Variants in MYCBP2 observed in about 807,000 individuals in gnomAD.
The protein encoded by MYCBP2 is E3 ubiquitin-protein ligase MYCBP2.
A neutral mutation model predicts 525.3 loss-of-function variants in MYCBP2; 120 were observed. The ratio of observed to expected loss-of-function variants is 0.23; its 90% confidence interval spans 0.20 to 0.27. The LOEUF is 0.27. Ranked by LOEUF, MYCBP2 falls within the 10% of genes least tolerant of loss-of-function variation. The pLI is 1.00. For synonymous variants in MYCBP2, 1,894 were observed against 1,955.8 expected, an observed-to-expected ratio of 0.97 and a Z score of 0.83; for missense variants, 4,149 against 5,657.1, an observed-to-expected ratio of 0.73 and a Z score of 8.55.
intron 80 of MYCBP2, among the ~76,000 whole-genome samples, chr13:77,055,097 G>A (rs144134869): frequency 1.8e-4 from 27 of 151,198 alleles, no homozygotes; most frequent in African/African-American, 6.5e-4. Context: ...AGGCAAGAAT[G>A]GAGCTCTAGG....
intron 2 of MYCBP2, among the ~76,000 whole-genome samples, chr13:77,292,870 T>C (rs751733881): frequency 6.7e-6 from 1 of 149,892 alleles, no homozygotes; most frequent in East Asian, 2.0e-4. Context: ...AGGCAGGGAA[T>C]TGCTTGAACC....
intron 46 of MYCBP2, among the ~76,000 whole-genome samples, chr13:77,151,442 A>G (rs1373414689): frequency 6.6e-6 from 1 of 152,236 alleles, no homozygotes; most frequent in African/African-American, 2.4e-5. Flanking sequence ...TCTTATACCT[A>G]AAGCCCAAAT....
At chr13:77,104,381 C>T (rs2047542008) in intron 55 of MYCBP2, among the ~76,000 whole-genome samples, 1 of 151,986 alleles carries the variant, frequency 6.6e-6, no homozygotes, top group South Asian at 2.1e-4. Flanking sequence ...CAGTGGTGAA[C>T]AGGAACAAAG....
chr13:77,070,832 T>C (rs991028390), intron 68 of MYCBP2, 121 bp from the exon 69 acceptor site: 2 of 573,922 alleles, frequency 3.5e-6, no homozygotes, highest in Non-Finnish European at 5.7e-6. Flanking sequence ...TTAAAGTAAA[T>C]TTATTTTAAA....
chr13:77,227,515 C>CAT (rs1376985100), intron 18 of MYCBP2, among the ~76,000 whole-genome samples: 19 of 126,240 alleles, frequency 1.5e-4, no homozygotes, highest in South Asian at 2.5e-4. Context: ...CACACACACA[C>CAT]ACAAATACAT....
chr13:77,048,543 T>C (rs2036069951), intron 82 of MYCBP2, among the ~76,000 whole-genome samples: 2 of 152,322 alleles, frequency 1.3e-5, no homozygotes, highest in South Asian at 4.1e-4. Flanking sequence ...TCCAGTTCTC[T>C]AAATGAATGG....
At chr13:77,177,604 G>C (rs2059834684) in intron 35 of MYCBP2, 144 bp downstream of exon 35, 1 of 700,146 alleles carries the variant, frequency 1.4e-6, no homozygotes, top group Non-Finnish European at 2.4e-6. Flanking sequence ...TTACAGGTGT[G>C]AGCCACTGTG....
chr13:77,323,368 G>A (rs1307852841), intron 1 of MYCBP2, among the ~76,000 whole-genome samples: 1 of 152,184 alleles, frequency 6.6e-6, no homozygotes, highest in African/African-American at 2.4e-5. Flanking sequence ...GACATTGACT[G>A]ATAACTCACT....
In MYCBP2 at chr13:77,171,545, C is replaced by G. The variant is rs773838360; in HGVS notation, c.5741G>C (p.Ser1914Thr). The part of the protein sequence containing the change: ...KNCSRALSVV[S>T]TVVRASKDLL... The stretch of plus-strand genomic sequence containing the variant: ...GTCCTTAGAGGCTCGAACGACAGTG[C>G]TTACAACAGACAATGCTCTGCTACA... Residue 1914 changes from serine to threonine, a missense_variant, in exon 38 of 83, where the codon AGC (serine) becomes ACC (threonine). This residue lies in a region of MYCBP2 where 692 missense variants were observed against 852.7 expected (regional missense o/e 0.81). Transcript: ENST00000544440. 27 of 1,614,000 alleles carry G rather than the reference C, an allele frequency of 1.7e-5. No individual in the cohort carries two copies. The highest frequency in any genetic ancestry group is 2.3e-5 in the Non-Finnish European group (27 of 1,180,004).
chr13:77,293,205 G>A (rs145470432), intron 2 of MYCBP2, among the ~76,000 whole-genome samples: 1,585 of 152,260 alleles, frequency 0.01, 12 homozygotes, highest in Middle Eastern at 0.02. Flanking sequence ...AGAAAGTGAA[G>A]TCATGTGCTG....
intron 49 of MYCBP2, among the ~76,000 whole-genome samples, chr13:77,142,975 G>A (rs1005706418): frequency 3.9e-5 from 6 of 152,096 alleles, no homozygotes; most frequent in Non-Finnish European, 5.9e-5. Flanking sequence ...CCAGGTTTTC[G>A]AAATTTATCT....
chr13:77,076,125 G>A (rs528822921), intron 68 of MYCBP2: 1 of 152,310 alleles, frequency 6.6e-6, no homozygotes, highest in African/African-American at 2.4e-5. Flanking sequence ...TAAAGCAACT[G>A]TATTTTTGCA....
At chr13:77,061,570 C>T in intron 75 of MYCBP2, 92 bp downstream of exon 75, 1 of 1,429,492 alleles carries the variant, frequency 7.0e-7, no homozygotes, top group Non-Finnish European at 9.4e-7. Flanking sequence ...TTCCAAAGTC[C>T]ACTTTTTCCC....
chr13:77,291,825 AG>A (rs1391699243), intron 2 of MYCBP2, among the ~76,000 whole-genome samples: 2 of 152,068 alleles, frequency 1.3e-5, no homozygotes, highest in Non-Finnish European at 2.9e-5. Context: ...CTGAGGAAAA[AG>A]TTAACGCTGC....
chr13:77,087,848 A>G (rs1272684930), intron 61 of MYCBP2: 2 of 397,218 alleles, frequency 5.0e-6, no homozygotes, highest in African/African-American at 2.0e-5. Context: ...TGGTGTGATC[A>G]TGGCTCACTG....
chr13:77,301,341 G>A (rs1204777882), intron 1 of MYCBP2, among the ~76,000 whole-genome samples: 1 of 149,232 alleles, frequency 6.7e-6, no homozygotes, highest in East Asian at 2.0e-4. Flanking sequence ...GCTTGAACCT[G>A]GAAGGCAGAG....
At position 77,126,362 on chromosome 13, in the gene MYCBP2, T is replaced by C. The variant is rs779772749; in HGVS notation, c.7840A>G (p.Ile2614Val). ...RSCPNLRGIPIGMLVLGNKVK... is the reference protein window; with the variant it reads ...RSCPNLRGIPVGMLVLGNKVK... ...TTGTTTCCCAGAACTAACATTCCAA[T>C]TGGGATACCTCTAAGGTTAGGGCAG... The change falls in exon 53 of 83, where the codon ATT (isoleucine) becomes GTT (valine). Residue 2614 changes from isoleucine (I) to valine (V), a missense_variant. Transcript: ENST00000544440. 1.1e-5 allele frequency: 18 copies of C among 1,613,762 alleles called. No individual in the cohort carries two copies. The highest frequency in any genetic ancestry group is 1.4e-5 in the Non-Finnish European group (16 of 1,179,826).
At chr13:77,095,267 G>C in intron 58 of MYCBP2, 91 bp downstream of exon 58, 1 of 1,470,476 alleles carries the variant, frequency 6.8e-7, no homozygotes, top group East Asian at 2.3e-5. Flanking sequence ...AGCTAATAAA[G>C]TGTAGGTCAA....
chr13:77,215,852 A>ATATTTTAAGTACACAT (rs1383102365), intron 21 of MYCBP2, among the ~76,000 whole-genome samples: 1 of 152,182 alleles, frequency 6.6e-6, no homozygotes. Flanking sequence ...AAGTGCTGGG[A>ATATTTTAAGTACACAT]TTATAGGTAT....
Sources: allele counts gnomAD v4.1 joint callset (sites outside exome capture counted in the v4.1 genomes callset), GRCh38; gene constraint gnomAD v4.1.1; regional missense constraint gnomAD v4.1.1; transcripts MANE v1.5; gene names NCBI Gene and HGNC (gene_info 2026-07-23, HGNC 2026-07-21).